SLC35F3: variants seen among roughly 807,000 people sequenced by gnomAD.
The protein encoded by SLC35F3 is solute carrier family 35 member F3.
Under a neutral mutation model 49.9 loss-of-function variants are expected in SLC35F3, and 25 were observed. The observed-to-expected ratio is 0.50, with a 90% CI of 0.37 to 0.70. The LOEUF is 0.70. Ranked by LOEUF, SLC35F3 falls within the 30% of genes least tolerant of loss-of-function variation. SLC35F3 has a pLI of 0.00. For synonymous variants in SLC35F3, 275 were observed against 265.4 expected, an observed-to-expected ratio of 1.04 and a Z score of -0.35; for missense variants, 525 against 639.8, an observed-to-expected ratio of 0.82 and a Z score of 1.94.
At chr1:233,949,792 C>T (rs1288834973) in intron 2 of SLC35F3, among the ~76,000 whole-genome samples, 1 of 151,894 alleles carries the variant, frequency 6.6e-6, no homozygotes, top group Non-Finnish European at 1.5e-5. Flanking sequence ...GCACAGAGAA[C>T]GTAAGACATC....
intron 2 of SLC35F3, among the ~76,000 whole-genome samples, chr1:234,146,902 A>G (rs6674307): frequency 0.068 from 10,397 of 152,202 alleles, 586 homozygotes; most frequent in African/African-American, 0.14. Context: ...TTGGTGTCTT[A>G]GTGTGAAAAA....
At chr1:233,932,170 G>A (rs532737437) in intron 2 of SLC35F3, among the ~76,000 whole-genome samples, 2 of 152,224 alleles carry the variant, frequency 1.3e-5, no homozygotes, top group South Asian at 4.2e-4. Flanking sequence ...AGGAGAGGGA[G>A]AGCATTAGGA....
intron 3 of SLC35F3, among the ~76,000 whole-genome samples, chr1:234,233,021 T>C (rs1424006972): frequency 6.6e-6 from 1 of 152,164 alleles, no homozygotes; most frequent in Non-Finnish European, 1.5e-5. Context: ...GTCCCCTTAG[T>C]GAAACGGATT....
intron 2 of SLC35F3, among the ~76,000 whole-genome samples, chr1:234,142,546 T>A (rs190444629): frequency 1.3e-5 from 2 of 152,004 alleles, no homozygotes; most frequent in East Asian, 3.9e-4. Flanking sequence ...AAAAAAGGAG[T>A]TTCATTTTCA....
chr1:233,918,898 G>T lies in SLC35F3; in HGVS notation c.283+13140G>T, dbSNP rs995746670. On this transcript the variant is annotated intron_variant, in intron 2 of 7. Coordinates refer to ENST00000366618, the MANE Select transcript of SLC35F3 (RefSeq NM_173508.4). ...AATAGTACTAGTGTGGTTATAAAAG[G>T]TCCTTTTTCTTAACAGATGCTGAGA... is the stretch of plus-strand genomic sequence containing the variant. 3.3e-5 allele frequency among the ~76,000 whole-genome samples: 5 copies of T among 151,536 alleles called. No homozygotes were observed. In the South Asian group the frequency reaches 1.0e-3, roughly 32 times the overall value.
chr1:234,318,756 G>T lies in SLC35F3; in HGVS notation c.960G>T (p.Leu320Phe). The T allele has an allele frequency of 6.2e-7, 1 of 1,613,656 alleles. No individual in the cohort carries two copies. The highest frequency in any genetic ancestry group is 8.5e-7 in the Non-Finnish European group (1 of 1,179,800). Reference sequence around the variant, plus strand: ...TCCTCTGCTTTCTCCTACAGGTTTTGTTCAAGCTCCTCCTGGGCAGTGCTA... The same window carrying T: ...TCCTCTGCTTTCTCCTACAGGTTTTTTTCAAGCTCCTCCTGGGCAGTGCTA... ...SASMSALYKV[L>F]FKLLLGSAKF... The change falls in exon 6 of 8, where the codon TTG becomes TTT. Residue 320 changes from leucine (L) to phenylalanine (F), a missense_variant. Leu to Phe is a conservative substitution (Grantham distance 22, BLOSUM62 0). Around this residue, in one of 4 missense-constraint regions of SLC35F3, gnomAD observed 216 missense variants for 298.1 expected, o/e 0.72. Coordinates refer to ENST00000366618, the MANE Select transcript of SLC35F3 (RefSeq NM_173508.4).
At chr1:234,043,751 T>C (rs1467728935) in intron 2 of SLC35F3, among the ~76,000 whole-genome samples, 2 of 152,248 alleles carry the variant, frequency 1.3e-5, no homozygotes, top group Non-Finnish European at 2.9e-5. Flanking sequence ...ATTATTTTGC[T>C]GGTTTTCAAG....
At chr1:234,233,739 C>T (rs540148234) in intron 3 of SLC35F3, among the ~76,000 whole-genome samples, 6 of 152,278 alleles carry the variant, frequency 3.9e-5, no homozygotes, top group Admixed American at 1.3e-4. Flanking sequence ...TGTTAACTGG[C>T]GAACAATGTA....
chr1:234,204,966 C>T (rs1309782413), intron 2 of SLC35F3, among the ~76,000 whole-genome samples: 4 of 152,198 alleles, frequency 2.6e-5, no homozygotes, highest in Non-Finnish European at 5.9e-5. Flanking sequence ...TCCCTTTTTC[C>T]TGCAGCTACT....
At chr1:234,065,660 G>A (rs1049638479) in intron 2 of SLC35F3, among the ~76,000 whole-genome samples, 6 of 152,206 alleles carry the variant, frequency 3.9e-5, no homozygotes, top group African/African-American at 1.4e-4. Context: ...GTGGGCATGT[G>A]ATGTTAGTAA....
At position 234,140,002 on chromosome 1, in the gene SLC35F3, A is replaced by AT; in HGVS notation, c.284-91415_284-91414insT. Among the ~76,000 whole-genome samples, 2 of 105,368 alleles carry AT rather than the reference A, an allele frequency of 1.9e-5. 1 individual carries two copies. Among genetic ancestry groups the AT allele is most frequent in the Non-Finnish European group, 4.7e-5 (2 of 42,150 alleles). The allele number at this position is 105,368 out of a possible 152,430, so 69.1% of individuals were successfully genotyped here. ...AATAAAATAAAATAAAATAAAATAAAGTAAGTGACTTGAACACAAGTACTG... is the reference window on the plus strand; with the variant it reads ...AATAAAATAAAATAAAATAAAATAAATGTAAGTGACTTGAACACAAGTACTG... On this transcript the variant is annotated intron_variant, in intron 2 of 7. Transcript: ENST00000366618.
intron 2 of SLC35F3, among the ~76,000 whole-genome samples, chr1:234,178,252 A>G (rs1666504858): frequency 6.6e-6 from 1 of 152,202 alleles, no homozygotes; most frequent in African/African-American, 2.4e-5. Context: ...CCCGAGGCAT[A>G]GGTGGTAAGG....
intron 2 of SLC35F3, among the ~76,000 whole-genome samples, chr1:234,208,434 G>A (rs1054009165): frequency 6.6e-6 from 1 of 152,132 alleles, no homozygotes; most frequent in Non-Finnish European, 1.5e-5. Context: ...CAAACCTCCA[G>A]AATCCGAGGA....
At chr1:234,110,396 AT>A (rs1214337705) in intron 2 of SLC35F3, among the ~76,000 whole-genome samples, 3 of 152,256 alleles carry the variant, frequency 2.0e-5, no homozygotes, top group African/African-American at 7.2e-5. Flanking sequence ...ACTAACTGGA[AT>A]GGCAGAGCCA....
chr1:234,320,129 C>T lies in SLC35F3; in HGVS notation c.1179C>T (p.Ala393=), dbSNP rs371861159. The T allele has an allele frequency of 9.9e-6, 16 of 1,613,140 alleles. No individual in the cohort carries two copies. Among genetic ancestry groups the T allele is most frequent in the Non-Finnish European group, 1.1e-5 (13 of 1,179,228 alleles). ...TFNIVLNFGI[A]VTYPTLMSLG... ...ATATTGTATTAAATTTTGGAATTGC[C>T]GTTACATATCCCACTCTGATGTCTC... Residue 393 remains alanine (A), a synonymous_variant, in exon 7 of 8, where the codon GCC becomes GCT. Coordinates refer to ENST00000366618, the MANE Select transcript of SLC35F3 (RefSeq NM_173508.4). This position sits in a 1 kb window ranked among gnomAD's most constrained non-coding sequence, Gnocchi z 4.8.
intron 3 of SLC35F3, among the ~76,000 whole-genome samples, chr1:234,305,978 T>G (rs1380898032): frequency 6.6e-6 from 1 of 152,124 alleles, no homozygotes; most frequent in African/African-American, 2.4e-5. Flanking sequence ...ATGAAGGGTG[T>G]TAGACTGTCC....
At chr1:234,001,755 C>T (rs1267850187) in intron 2 of SLC35F3, among the ~76,000 whole-genome samples, 2 of 152,136 alleles carry the variant, frequency 1.3e-5, no homozygotes, top group African/African-American at 4.8e-5. Context: ...AGGGCAAAAC[C>T]ATAGATTGAT....
intron 2 of SLC35F3, among the ~76,000 whole-genome samples, chr1:234,078,586 C>G (rs1664831089): frequency 6.6e-6 from 1 of 152,214 alleles, no homozygotes; most frequent in South Asian, 2.1e-4. Context: ...TTTGACCTCT[C>G]TAAAAGCTAA....
At chr1:234,290,968 A>G (rs1425286564) in intron 3 of SLC35F3, among the ~76,000 whole-genome samples, 1 of 152,084 alleles carries the variant, frequency 6.6e-6, no homozygotes, top group Non-Finnish European at 1.5e-5. Context: ...ATTGGGGGTA[A>G]GGAGAGGCCA....
Sources: allele counts gnomAD v4.1 joint callset (sites outside exome capture counted in the v4.1 genomes callset), GRCh38; gene constraint gnomAD v4.1.1; regional missense constraint gnomAD v4.1.1; non-coding constraint Gnocchi (gnomAD v3.1); transcripts MANE v1.5; gene names NCBI Gene and HGNC (gene_info 2026-07-23, HGNC 2026-07-21).